GAS7: variants seen among roughly 807,000 people sequenced by gnomAD.
The protein encoded by GAS7 is growth arrest-specific protein 7.
A neutral mutation model predicts 71.1 loss-of-function variants in GAS7; 28 were observed. That is an observed-to-expected ratio of 0.39 (90% CI 0.29 to 0.54). The LOEUF (loss-of-function observed/expected upper bound fraction) is 0.54. GAS7 is among the 20% of genes least tolerant of loss of function. The pLI, the probability that GAS7 is intolerant of heterozygous loss-of-function variation, is 0.62. For synonymous variants in GAS7, 258 were observed against 245.8 expected, an observed-to-expected ratio of 1.05 and a Z score of -0.46; for missense variants, 436 against 627.8, an observed-to-expected ratio of 0.69 and a Z score of 3.27.
At chr17:9,977,307 A>G (rs1025144501) in intron 3 of GAS7, among the ~76,000 whole-genome samples, 3 of 152,224 alleles carry the variant, frequency 2.0e-5, no homozygotes, top group African/African-American at 7.2e-5. Flanking sequence ...ACAGAGAAAG[A>G]ATGCTTATAC....
At chr17:9,992,049 C>G (rs2070863241) in intron 2 of GAS7, among the ~76,000 whole-genome samples, 1 of 152,142 alleles carries the variant, frequency 6.6e-6, no homozygotes, top group African/African-American at 2.4e-5. Flanking sequence ...GTTGAGTAGG[C>G]TGGGAGGAAC....
chr17:9,918,246 T>A, intron 12 of GAS7, 147 bp from the exon 13 acceptor site: 1 of 615,272 alleles, frequency 1.6e-6, no homozygotes, highest in Non-Finnish European at 2.9e-6. Flanking sequence ...GTGCCCCATA[T>A]CTAAGGTGAA....
At chr17:10,135,275 C>T (rs1366966210) in intron 1 of GAS7, among the ~76,000 whole-genome samples, 1 of 152,144 alleles carries the variant, frequency 6.6e-6, no homozygotes, top group African/African-American at 2.4e-5. Flanking sequence ...GGTAAAATGA[C>T]CTGGCGCAGT....
rs190525664 is a variant in GAS7, at chr17:10,026,492, T to C, written c.184-6595A>G. Among the ~76,000 whole-genome samples, 10 of 152,288 alleles carry C rather than the reference T, an allele frequency of 6.6e-5. No individual in the cohort carries two copies. The highest frequency in any genetic ancestry group is 1.5e-4 in the Non-Finnish European group (10 of 68,002). On this transcript the variant is annotated intron_variant, in intron 1 of 13. Coordinates refer to ENST00000432992, the MANE Select transcript of GAS7 (RefSeq NM_201433.2). The surrounding 1 kb of genome is among the most constrained non-coding windows in gnomAD (Gnocchi z 4.5). ...ACAAAGGACTCTCCAGCAAGTTCTC[T>C]CTTCCCCAACCACGGAGGCAGCTGG...
intron 1 of GAS7, among the ~76,000 whole-genome samples, chr17:10,044,712 A>G (rs778784866): frequency 1.3e-5 from 2 of 152,238 alleles, no homozygotes; most frequent in East Asian, 3.8e-4. Flanking sequence ...GAATCCACAT[A>G]TAAGTAGATC....
In GAS7 at chr17:9,926,912, G is replaced by A. The variant is rs1724614280; in HGVS notation, c.886-143C>T. 1 of 763,170 alleles carries A rather than the reference G, an allele frequency of 1.3e-6. No individual in the cohort carries two copies. Among genetic ancestry groups the A allele is most frequent in the African/African-American group, 1.7e-5 (1 of 58,024 alleles). The allele number at this position is 763,170 out of a possible 1,614,324, so 47.3% of individuals were successfully genotyped here. ...GTAGCGACCTGGCAGGAAGGTGAGAGACACCCCCTGACACGTGGCTGCCTA... is the reference window on the plus strand; with the variant it reads ...GTAGCGACCTGGCAGGAAGGTGAGAAACACCCCCTGACACGTGGCTGCCTA... On this transcript the variant is annotated intron_variant, in intron 9 of 13. Coordinates refer to ENST00000432992, the MANE Select transcript of GAS7 (RefSeq NM_201433.2). This position sits in a 1 kb window ranked among gnomAD's most constrained non-coding sequence, Gnocchi z 5.0.
intron 1 of GAS7, among the ~76,000 whole-genome samples, chr17:10,121,224 T>C (rs2073902273): frequency 6.6e-6 from 1 of 151,982 alleles, no homozygotes; most frequent in Admixed American, 6.6e-5. Flanking sequence ...CTACTAAAAA[T>C]ACAAAAATTA....
At chr17:10,140,828 T>G (rs2074074240) in intron 1 of GAS7, among the ~76,000 whole-genome samples, 1 of 152,190 alleles carries the variant, frequency 6.6e-6, no homozygotes, top group African/African-American at 2.4e-5. Context: ...ACTCTGCCCC[T>G]CTAGGCTAAC....
At chr17:10,072,388 G>A (rs2073350126) in intron 1 of GAS7, among the ~76,000 whole-genome samples, 1 of 152,130 alleles carries the variant, frequency 6.6e-6, no homozygotes, top group Admixed American at 6.5e-5. Context: ...TGTCTTCACT[G>A]GAGGGGATGA....
rs2068015050 is a variant in GAS7 at position 9,926,712 on chromosome 17, T to C, written c.943A>G (p.Met315Val). The C allele has an allele frequency of 3.7e-6, 6 of 1,613,720 alleles. No individual in the cohort carries two copies. The highest frequency in any genetic ancestry group is 5.1e-6 in the Non-Finnish European group (6 of 1,179,856). The change falls in exon 10 of 14, where the codon ATG becomes GTG. Residue 315 changes from methionine to valine, a missense_variant. Coordinates refer to ENST00000432992, the MANE Select transcript of GAS7 (RefSeq NM_201433.2). The surrounding 1 kb of genome is among the most constrained non-coding windows in gnomAD (Gnocchi z 5.0). Reference protein sequence around the residue: ...MNFRENFKKDMKKCDHHIADL... With the variant: ...MNFRENFKKDVKKCDHHIADL... ...GCAATGTGGTGGTCGCACTTCTTCA[T>C]GTCTTTCTTGAAGTTCTCACGGAAG...
At chr17:9,921,741 C>T (rs967486861) in intron 11 of GAS7, among the ~76,000 whole-genome samples, 3 of 152,108 alleles carry the variant, frequency 2.0e-5, no homozygotes, top group African/African-American at 7.2e-5. Flanking sequence ...GGGTGGATCA[C>T]GAGGTCAGGA....
chr17:10,092,403 C>A (rs2073593082), intron 1 of GAS7, among the ~76,000 whole-genome samples: 1 of 152,186 alleles, frequency 6.6e-6, no homozygotes, highest in Non-Finnish European at 1.5e-5. Context: ...AGGGCAGGGA[C>A]TGTGTTAGAA....
chr17:10,031,947 C>G (rs1422659907), intron 1 of GAS7, among the ~76,000 whole-genome samples: 1 of 151,724 alleles, frequency 6.6e-6, no homozygotes, highest in Admixed American at 6.6e-5. Context: ...GGAGCAGGTG[C>G]CTAAAGGCCT....
In GAS7 at chr17:10,109,449, A is replaced by T. The variant is rs142070389; in HGVS notation, c.183+88759T>A. Among the ~76,000 whole-genome samples the T allele has an allele frequency of 6.1e-3, 925 of 152,370 alleles. 5 individuals carry two copies. Among genetic ancestry groups the T allele is most frequent in the African/African-American group, 0.021 (870 of 41,598 alleles). On this transcript the variant is annotated intron_variant, in intron 1 of 13. Transcript: ENST00000432992. Reference sequence around the variant, plus strand: ...ATTAAAAAGATAAAAAATAACAGATACTGCCAAGGATGAGGAAAGATGGGA... The same window carrying T: ...ATTAAAAAGATAAAAAATAACAGATTCTGCCAAGGATGAGGAAAGATGGGA...
chr17:10,092,575 G>A (rs965399223), intron 1 of GAS7, among the ~76,000 whole-genome samples: 6 of 152,216 alleles, frequency 3.9e-5, no homozygotes, highest in Non-Finnish European at 8.8e-5. Flanking sequence ...TCAACAGGTT[G>A]ACTTTGACAA....
At chr17:9,971,588 C>A (rs962382607) in intron 3 of GAS7, among the ~76,000 whole-genome samples, 4 of 152,132 alleles carry the variant, frequency 2.6e-5, no homozygotes, top group African/African-American at 9.7e-5. Flanking sequence ...GGAGCAGAGG[C>A]ATCCAGAAGG....
At chr17:10,126,253 G>A (rs1288134930) in intron 1 of GAS7, among the ~76,000 whole-genome samples, 1 of 152,132 alleles carries the variant, frequency 6.6e-6, no homozygotes, top group African/African-American at 2.4e-5. Context: ...GGAGTTCTCA[G>A]GGAAGAAACC....
intron 1 of GAS7, among the ~76,000 whole-genome samples, chr17:10,113,035 T>G (rs1226082293): frequency 6.6e-6 from 1 of 151,970 alleles, no homozygotes; most frequent in Non-Finnish European, 1.5e-5. Context: ...GAGGGTCCAC[T>G]CCCTATGGCC....
chr17:10,155,394 T>C (rs1181609656), intron 1 of GAS7, among the ~76,000 whole-genome samples: 2 of 152,174 alleles, frequency 1.3e-5, no homozygotes, highest in Non-Finnish European at 1.5e-5. Flanking sequence ...CCCAAGACTC[T>C]TCCTTCTGAT....
Sources: gnomAD v4.1 joint callset for allele counts (sites outside exome capture counted in the v4.1 genomes callset) on GRCh38, gnomAD v4.1.1 for gene constraint, Gnocchi (gnomAD v3.1) non-coding constraint, MANE v1.5 for transcripts, NCBI Gene and HGNC (gene_info 2026-07-23, HGNC 2026-07-21) for gene names.